The following NEK10 variants were observed in gnomAD, a reference collection of about 807,000 sequenced individuals.
The protein encoded by NEK10 is serine/threonine-protein kinase Nek10.
NEK10 carries 122 observed loss-of-function variants against 159.8 expected under a neutral mutation model. The ratio of observed to expected loss-of-function variants is 0.76; its 90% CI spans 0.66 to 0.89. The LOEUF (loss-of-function observed/expected upper bound fraction) is 0.89, where lower values mean the gene tolerates loss of function less well. Ranked by LOEUF, NEK10 falls within the 40% of genes least tolerant of loss-of-function variation. The pLI is 0.00. For missense variants in NEK10, 1,342 were observed against 1,323.1 expected, an observed-to-expected ratio of 1.01 and a Z score of -0.22; for synonymous variants, 466 against 457.1, an observed-to-expected ratio of 1.02 and a Z score of -0.25.
At chr3:27,195,264 T>C (rs938346107) in intron 25 of NEK10, among the ~76,000 whole-genome samples, 3 of 152,250 alleles carry the variant, frequency 2.0e-5, no homozygotes, top group Non-Finnish European at 2.9e-5. Flanking sequence ...TGCTGAGTCA[T>C]AAATGATCAT....
intron 25 of NEK10, among the ~76,000 whole-genome samples, chr3:27,200,448 A>G (rs1949950511): frequency 6.6e-6 from 1 of 152,164 alleles, no homozygotes; most frequent in African/African-American, 2.4e-5. Context: ...TTAAGTACCC[A>G]ACTTAAGTAC....
chr3:27,221,927 A>C (rs1952139984), intron 23 of NEK10, among the ~76,000 whole-genome samples: 1 of 152,216 alleles, frequency 6.6e-6, no homozygotes, highest in Non-Finnish European at 1.5e-5. Flanking sequence ...ATACTTCTCC[A>C]TGTTGAATGA....
chr3:27,305,333 G>T (rs968942471), intron 11 of NEK10, among the ~76,000 whole-genome samples: 8 of 152,102 alleles, frequency 5.3e-5, no homozygotes, highest in Non-Finnish European at 8.8e-5. Flanking sequence ...TTATAGGCTC[G>T]TTGCATCATC....
chr3:27,262,429 T>C (rs575196372), intron 22 of NEK10, among the ~76,000 whole-genome samples: 37 of 152,356 alleles, frequency 2.4e-4, no homozygotes, highest in African/African-American at 8.4e-4. Flanking sequence ...CAGAGTGTTT[T>C]CCAACTTGGT....
At chr3:27,272,398 A>C (rs2041435699) in intron 22 of NEK10, among the ~76,000 whole-genome samples, 1 of 152,108 alleles carries the variant, frequency 6.6e-6, no homozygotes, top group Admixed American at 6.6e-5. Context: ...ACCCCTCACC[A>C]GCTCTTGTAT....
intron 33 of NEK10, among the ~76,000 whole-genome samples, chr3:27,117,294 G>C (rs934510441): frequency 2.0e-5 from 3 of 152,200 alleles, no homozygotes; most frequent in African/African-American, 4.8e-5. Flanking sequence ...ACATATGTGT[G>C]CATGTATCTT....
At chr3:27,219,800 G>C (rs1364611196) in intron 23 of NEK10, among the ~76,000 whole-genome samples, 1 of 152,080 alleles carries the variant, frequency 6.6e-6, no homozygotes, top group Non-Finnish European at 1.5e-5. Context: ...CTATTTGCAG[G>C]TGCTATGATA....
chr3:27,122,967 G>T (rs899541693), intron 32 of NEK10, among the ~76,000 whole-genome samples: 1 of 152,158 alleles, frequency 6.6e-6, no homozygotes, highest in African/African-American at 2.4e-5. Flanking sequence ...GCACACGGAT[G>T]AAGGCAAGGA....
At chr3:27,306,724 G>A (rs1423956053) in intron 11 of NEK10, among the ~76,000 whole-genome samples, 2 of 152,192 alleles carry the variant, frequency 1.3e-5, no homozygotes, top group African/African-American at 2.4e-5. Context: ...CAGATCACAT[G>A]AGTTAATAAG....
intron 26 of NEK10, among the ~76,000 whole-genome samples, chr3:27,177,126 C>T (rs542551671): frequency 2.0e-5 from 3 of 152,234 alleles, no homozygotes; most frequent in Admixed American, 2.0e-4. Context: ...AAAATTTCAT[C>T]CACGGGTAAT....
Position 27,257,574 on chromosome 3 carries a change from T to C in NEK10, c.2015-1203A>G, listed in dbSNP as rs1403537945. 2.0e-5 allele frequency among the ~76,000 whole-genome samples: 3 copies of C among 152,120 alleles called. No individual in the cohort carries two copies. In the East Asian group the frequency reaches 5.8e-4, roughly 29 times the overall value. ...TAATACACGTTTACTAAACAACAAG[T>C]TTATACTAGCATAAATTCAGCCACT... On this transcript the variant is annotated intron_variant, in intron 22 of 35. Transcript: ENST00000691995.
At chr3:27,352,604 C>T in intron 2 of NEK10, 79 bp from the exon 3 acceptor site, 1 of 1,046,912 alleles carries the variant, frequency 9.6e-7, no homozygotes, top group Non-Finnish European at 1.5e-6. Flanking sequence ...GATGGCATTG[C>T]CACTTGGAGG....
At chr3:27,348,960 A>C (rs1429368091) in intron 3 of NEK10, among the ~76,000 whole-genome samples, 3 of 152,108 alleles carry the variant, frequency 2.0e-5, no homozygotes, top group African/African-American at 7.2e-5. Flanking sequence ...CCATTAATTC[A>C]GTGTATTTGT....
At chr3:27,209,562 A>G (rs1950824140) in intron 23 of NEK10, among the ~76,000 whole-genome samples, 1 of 152,266 alleles carries the variant, frequency 6.6e-6, no homozygotes, top group Non-Finnish European at 1.5e-5. Flanking sequence ...ATTTGAAGAT[A>G]TGAAATGTTA....
intron 32 of NEK10, among the ~76,000 whole-genome samples, chr3:27,123,893 C>A (rs1398535196): frequency 7.3e-5 from 11 of 151,724 alleles, no homozygotes; most frequent in Admixed American, 6.6e-4. Flanking sequence ...TTAGAAAAGG[C>A]CTGGTGGCTG....
Position 27,192,103 on chromosome 3 carries a change from G to A in NEK10, c.2431C>T (p.Arg811Cys), listed in dbSNP as rs774551711. 4.7e-5 allele frequency: 76 copies of A among 1,614,090 alleles called. 1 individual carries two copies. The East Asian group carries it at 1.3e-3, about 27-fold the overall frequency. The part of the protein sequence containing the change: ...LEKKLERERR[R>C]TQRYFMEANR... ...GCTTCCATAAAATACCTTTGTGTGC[G>A]TCTTCGTTCCCGTTCTAGCTTCTTT... is the stretch of plus-strand genomic sequence containing the variant. Residue 811 changes from arginine to cysteine, a missense_variant, in exon 26 of 36, where the codon CGC (arginine) becomes TGC (cysteine). Transcript: ENST00000691995.
intron 4 of NEK10, among the ~76,000 whole-genome samples, chr3:27,344,574 G>T (rs531256477): frequency 4.4e-4 from 67 of 152,290 alleles, no homozygotes; most frequent in Non-Finnish European, 7.9e-4. Context: ...ATAAGAAGTA[G>T]AAATTCAATT....
chr3:27,360,055 C>T (rs1156907154), intron 1 of NEK10, among the ~76,000 whole-genome samples: 1 of 152,154 alleles, frequency 6.6e-6, no homozygotes, highest in Non-Finnish European at 1.5e-5. Flanking sequence ...TTGAGGAAAT[C>T]CTGTAAGAAA....
At chr3:27,289,814 C>T (rs1033695440) in intron 19 of NEK10, among the ~76,000 whole-genome samples, 3 of 152,138 alleles carry the variant, frequency 2.0e-5, no homozygotes, top group African/African-American at 7.2e-5. Context: ...ATAAAATAAA[C>T]AATTAATGAT....
Sources: gnomAD v4.1 joint callset for allele counts (sites outside exome capture counted in the v4.1 genomes callset) on GRCh38, gnomAD v4.1.1 for gene constraint, MANE v1.5 for transcripts, NCBI Gene and HGNC (gene_info 2026-07-23, HGNC 2026-07-21) for gene names.